Variants in SGMS1 observed in about 807,000 individuals in gnomAD.
The protein encoded by SGMS1 is phosphatidylcholine:ceramide cholinephosphotransferase 1.
In SGMS1, 13 loss-of-function variants were observed where a neutral mutation model predicts 46.2. The ratio of observed to expected loss-of-function variants is 0.28; its 90% CI spans 0.18 to 0.45. The LOEUF is 0.45. Among genes scored for constraint, SGMS1 ranks in the 20% least tolerant of loss-of-function variants. The pLI is 1.00. For synonymous variants in SGMS1, 203 were observed against 187.8 expected, an observed-to-expected ratio of 1.08 and a Z score of -0.66; for missense variants, 324 against 519.9, an observed-to-expected ratio of 0.62 and a Z score of 3.66.
intron 3 of SGMS1, among the ~76,000 whole-genome samples, chr10:50,507,699 A>G (rs985911874): frequency 4.6e-5 from 7 of 152,172 alleles, no homozygotes; most frequent in Non-Finnish European, 8.8e-5. Context: ...GCCAACTACC[A>G]GCCAATAGCC....
intron 5 of SGMS1, among the ~76,000 whole-genome samples, chr10:50,439,057 T>C (rs532878916): frequency 6.6e-6 from 1 of 152,332 alleles, no homozygotes; most frequent in East Asian, 1.9e-4. Flanking sequence ...TAAAATGTGA[T>C]AGATTGGACT....
intron 6 of SGMS1, among the ~76,000 whole-genome samples, chr10:50,401,923 T>C (rs1319453474): frequency 6.6e-6 from 1 of 152,232 alleles, no homozygotes; most frequent in Admixed American, 6.5e-5. Context: ...CCTTACTTAG[T>C]CACCTTGATT....
intron 1 of SGMS1, among the ~76,000 whole-genome samples, chr10:50,614,192 G>C (rs1838775980): frequency 6.6e-6 from 1 of 151,634 alleles, no homozygotes; most frequent in African/African-American, 2.4e-5. Context: ...GGGATGTAAT[G>C]ATGGCACTCC....
chr10:50,376,794 G>A (rs561802100), intron 6 of SGMS1, among the ~76,000 whole-genome samples: 92 of 152,232 alleles, frequency 6.0e-4, no homozygotes, highest in African/African-American at 1.8e-3. Context: ...AGTATTCCAT[G>A]GTGTATATGT....
In SGMS1 at chr10:50,558,867, T is replaced by C. The variant is rs201842797; in HGVS notation, c.-589+31286A>G. 2.2e-4 allele frequency among the ~76,000 whole-genome samples: 34 copies of C among 152,324 alleles called. No individual in the cohort carries two copies. In the East Asian group the frequency reaches 6.6e-3, roughly 29 times the overall value. ...GTAAGAATACAATATGTAATATGGA[T>C]AATATACAAAATATGTCTTAATCAA... On this transcript the variant is annotated intron_variant, in intron 2 of 10. Coordinates refer to ENST00000361781, the MANE Select transcript of SGMS1 (RefSeq NM_147156.4).
At chr10:50,486,967 C>T (rs919125174) in intron 3 of SGMS1, among the ~76,000 whole-genome samples, 1 of 152,208 alleles carries the variant, frequency 6.6e-6, no homozygotes, top group Non-Finnish European at 1.5e-5. Flanking sequence ...CTATGTAATA[C>T]TATGCAGTCA....
At chr10:50,314,811 C>T (rs1394587724) in intron 8 of SGMS1, among the ~76,000 whole-genome samples, 6 of 152,094 alleles carry the variant, frequency 3.9e-5, no homozygotes, top group Admixed American at 3.9e-4. Context: ...GTCCCAGCTA[C>T]TTGGAAGGCT....
chr10:50,338,153 C>T (rs1847747947), intron 7 of SGMS1, among the ~76,000 whole-genome samples: 1 of 152,166 alleles, frequency 6.6e-6, no homozygotes, highest in Non-Finnish European at 1.5e-5. Context: ...AAAATTGTCA[C>T]CCACTAAGTG....
intron 3 of SGMS1, among the ~76,000 whole-genome samples, chr10:50,468,741 C>T (rs1016818467): frequency 1.3e-5 from 2 of 152,104 alleles, no homozygotes; most frequent in African/African-American, 4.8e-5. Context: ...AAAGCAGGGG[C>T]CAAAATAGGA....
At chr10:50,516,213 T>C (rs1837805001) in intron 3 of SGMS1, among the ~76,000 whole-genome samples, 1 of 152,198 alleles carries the variant, frequency 6.6e-6, no homozygotes, top group African/African-American at 2.4e-5. Context: ...TTTGAAATAC[T>C]TTTTTCATGT....
intron 1 of SGMS1, among the ~76,000 whole-genome samples, chr10:50,591,262 G>GA: frequency 6.6e-6 from 1 of 152,236 alleles, no homozygotes; most frequent in South Asian, 2.1e-4. Flanking sequence ...TATTCAACTA[G>GA]AAAGCACCAG....
chr10:50,615,424 A>G (rs1228017093), intron 1 of SGMS1, among the ~76,000 whole-genome samples: 1 of 152,202 alleles, frequency 6.6e-6, no homozygotes, highest in Non-Finnish European at 1.5e-5. Flanking sequence ...TCCCCACAAT[A>G]ACCCTGTAAG....
At chr10:50,404,857 C>G (rs1416588559) in intron 6 of SGMS1, among the ~76,000 whole-genome samples, 1 of 152,018 alleles carries the variant, frequency 6.6e-6, no homozygotes, top group Non-Finnish European at 1.5e-5. Context: ...ATTATACACC[C>G]ATAAAATAAA....
chr10:50,374,815 T>G (rs1458024529), intron 6 of SGMS1, among the ~76,000 whole-genome samples: 1 of 152,174 alleles, frequency 6.6e-6, no homozygotes, highest in Admixed American at 6.5e-5. Context: ...AGGGCCCTTC[T>G]TCTGGAATAT....
intron 8 of SGMS1, among the ~76,000 whole-genome samples, chr10:50,315,661 A>G (rs1847327428): frequency 6.6e-6 from 1 of 152,194 alleles, no homozygotes; most frequent in South Asian, 2.1e-4. Flanking sequence ...TGCTTACTCC[A>G]TTATAACTGG....
At chr10:50,326,145 GC>G (rs563088368) in intron 8 of SGMS1, among the ~76,000 whole-genome samples, 25 of 150,938 alleles carry the variant, frequency 1.7e-4, no homozygotes, top group African/African-American at 5.1e-4. Context: ...GTAGTGTGTA[GC>G]AAAAAATAAA....
In SGMS1 at chr10:50,574,221, T is replaced by C. The variant is rs547577458; in HGVS notation, c.-589+15932A>G. On this transcript the variant is annotated intron_variant, in intron 2 of 10. Coordinates refer to ENST00000361781, the MANE Select transcript of SGMS1 (RefSeq NM_147156.4). ...CGGAGTGAAAAGGCAACCTATGGAA[T>C]GGGGGAAATATTTGCAAACCTTATA... Among the ~76,000 whole-genome samples the C allele has an allele frequency of 1.4e-3, 216 of 152,172 alleles. 1 individual carries two copies. Among genetic ancestry groups the C allele is most frequent in the African/African-American group, 4.6e-3 (192 of 41,532 alleles).
chr10:50,416,097 CT>C (rs1849165817), intron 6 of SGMS1, among the ~76,000 whole-genome samples: 1 of 152,118 alleles, frequency 6.6e-6, no homozygotes, highest in Non-Finnish European at 1.5e-5. Context: ...TGCATAATTC[CT>C]TGAACTTTGA....
chr10:50,309,381 C>T (rs931081444), intron 9 of SGMS1, among the ~76,000 whole-genome samples: 1 of 152,168 alleles, frequency 6.6e-6, no homozygotes, highest in Admixed American at 6.5e-5. Flanking sequence ...TCATTCTAAA[C>T]ATGAGGAAAC....
Sources: gnomAD v4.1 joint callset for allele counts (sites outside exome capture counted in the v4.1 genomes callset) on GRCh38, gnomAD v4.1.1 for gene constraint, MANE v1.5 for transcripts, NCBI Gene and HGNC (gene_info 2026-07-23, HGNC 2026-07-21) for gene names.